SUMF1: variants seen among roughly 807,000 people sequenced by gnomAD.
The protein encoded by SUMF1 is formylglycine-generating enzyme.
A neutral mutation model predicts 47.6 loss-of-function variants in SUMF1; 48 were observed. That is an observed-to-expected ratio of 1.01 (90% CI 0.80 to 1.28). The LOEUF (loss-of-function observed/expected upper bound fraction) is 1.28. Among genes scored for constraint, SUMF1 ranks in the 50% most tolerant of loss-of-function variants. The pLI is 0.00. For missense variants in SUMF1, 571 were observed against 485.4 expected (o/e 1.18, Z -1.66); for synonymous variants, 230 against 192.1 (o/e 1.20, Z -1.63).
chr3:4,036,798 C>T (rs934564339), intron 9 of SUMF1, among the ~76,000 whole-genome samples: 3 of 124,894 alleles, frequency 2.4e-5, no homozygotes, highest in East Asian at 2.1e-4. Context: ...AACAAGACAG[C>T]AAATTAATTG....
chr3:4,090,758 G>A (rs1692767733), intron 8 of SUMF1, among the ~76,000 whole-genome samples: 1 of 152,046 alleles, frequency 6.6e-6, no homozygotes, highest in African/African-American at 2.4e-5. Context: ...GTCACTCACT[G>A]ATTCATTAAA....
intron 9 of SUMF1, among the ~76,000 whole-genome samples, chr3:4,063,781 T>C (rs775477324): frequency 2.0e-5 from 3 of 152,162 alleles, no homozygotes; most frequent in Non-Finnish European, 4.4e-5. Flanking sequence ...AAAACTTACT[T>C]TTGTGGACAA....
rs1374268675 is a variant in SUMF1, at chr3:4,467,060, G to A, written c.186C>T (p.Gly62=). ...AGTATCGGTGAGCGGCTGCCGAACT[G>A]CCATGGGCGCCAGGCCGCTGGGGCG... The part of the protein sequence containing the change: ...CGTPQRPGAH[G]SSAAAHRYSR... The change falls in exon 1 of 9, where the codon GGC becomes GGT. Residue 62 remains glycine (G), a synonymous_variant. Transcript: ENST00000272902. The A allele has an allele frequency of 1.9e-6, 3 of 1,566,262 alleles. No individual in the cohort carries two copies. The highest frequency in any genetic ancestry group is 2.7e-5 in the African/African-American group (2 of 73,854).
At chr3:4,142,512 C>T (rs779464631) in intron 8 of SUMF1, among the ~76,000 whole-genome samples, 4 of 152,078 alleles carry the variant, frequency 2.6e-5, no homozygotes, top group Non-Finnish European at 5.9e-5. Flanking sequence ...ATAAACAATA[C>T]ATTGTAAGGT....
intron 8 of SUMF1, among the ~76,000 whole-genome samples, chr3:4,323,854 G>C (rs1480560382): frequency 6.6e-6 from 1 of 152,148 alleles, no homozygotes; most frequent in East Asian, 1.9e-4. Context: ...CAGTCAGATA[G>C]ATAAGAGATA....
At chr3:4,144,918 G>A (rs866044261) in intron 8 of SUMF1, among the ~76,000 whole-genome samples, 2 of 152,126 alleles carry the variant, frequency 1.3e-5, no homozygotes, top group Non-Finnish European at 2.9e-5. Context: ...AAGCCATCTC[G>A]GCAGGGCGCG....
intron 3 of SUMF1, among the ~76,000 whole-genome samples, chr3:4,428,238 G>C (rs1052609451): frequency 2.0e-5 from 3 of 151,962 alleles, no homozygotes; most frequent in Non-Finnish European, 2.9e-5. Context: ...TCAATATATA[G>C]AGACACCCAC....
chr3:4,305,729 G>A (rs1182515823), intron 8 of SUMF1, among the ~76,000 whole-genome samples: 1 of 152,178 alleles, frequency 6.6e-6, no homozygotes, highest in African/African-American at 2.4e-5. Context: ...CTCCTCTGAT[G>A]AGACTTTATG....
intron 1 of SUMF1, among the ~76,000 whole-genome samples, chr3:4,453,716 C>G (rs1399180659): frequency 6.6e-6 from 1 of 151,728 alleles, no homozygotes; most frequent in African/African-American, 2.4e-5. Context: ...GTATTTTTAG[C>G]AGAGACAGGT....
intron 8 of SUMF1, among the ~76,000 whole-genome samples, chr3:4,236,384 A>G (rs899087032): frequency 4.6e-5 from 7 of 152,128 alleles, no homozygotes; most frequent in Non-Finnish European, 7.4e-5. Context: ...TAAAAAGAAA[A>G]ATGAGAAATG....
At chr3:4,285,209 A>G (rs1446470074) in intron 8 of SUMF1, among the ~76,000 whole-genome samples, 2 of 152,210 alleles carry the variant, frequency 1.3e-5, no homozygotes, top group Non-Finnish European at 2.9e-5. Flanking sequence ...ACTTATGCTT[A>G]AAGTAGTTTG....
chr3:4,105,435 G>T (rs1693136293), intron 8 of SUMF1, among the ~76,000 whole-genome samples: 1 of 152,102 alleles, frequency 6.6e-6, no homozygotes, highest in Non-Finnish European at 1.5e-5. Flanking sequence ...ATAAGTTTGT[G>T]AATTAGAATA....
At chr3:4,038,041 G>T (rs891502536) in intron 9 of SUMF1, among the ~76,000 whole-genome samples, 1 of 152,200 alleles carries the variant, frequency 6.6e-6, no homozygotes, top group African/African-American at 2.4e-5. Context: ...TGATCTGAAA[G>T]TGTGAGTTCC....
At chr3:4,035,022 G>C (rs565399913) in intron 9 of SUMF1, among the ~76,000 whole-genome samples, 1 of 152,050 alleles carries the variant, frequency 6.6e-6, no homozygotes, top group East Asian at 2.0e-4. Context: ...GTGGAAGAGA[G>C]GTCCTCAAAG....
intron 8 of SUMF1, among the ~76,000 whole-genome samples, chr3:4,241,616 T>C (rs1696539042): frequency 6.6e-6 from 1 of 152,166 alleles, no homozygotes; most frequent in Non-Finnish European, 1.5e-5. Context: ...TTTCTTTCTA[T>C]CAACAATTAT....
At chr3:4,116,291 T>C (rs929919405) in intron 8 of SUMF1, among the ~76,000 whole-genome samples, 1 of 152,138 alleles carries the variant, frequency 6.6e-6, no homozygotes, top group Admixed American at 6.5e-5. Context: ...CACATCTCTT[T>C]AGTGTGTTCA....
intron 3 of SUMF1, among the ~76,000 whole-genome samples, chr3:4,427,820 A>C (rs1006305892): frequency 6.6e-6 from 1 of 152,190 alleles, no homozygotes; most frequent in African/African-American, 2.4e-5. Context: ...ATTTCTAGGC[A>C]CTATTGAGAA....
intron 8 of SUMF1, among the ~76,000 whole-genome samples, chr3:4,253,081 TACA>T (rs1320546302): frequency 3.3e-5 from 5 of 152,260 alleles, no homozygotes; most frequent in African/African-American, 1.2e-4. Flanking sequence ...ATGTTATATG[TACA>T]ACATGTAGTG....
intron 8 of SUMF1, among the ~76,000 whole-genome samples, chr3:4,246,069 G>T (rs1005573363): frequency 4.6e-5 from 7 of 152,196 alleles, no homozygotes; most frequent in African/African-American, 1.7e-4. Flanking sequence ...GCCAAGCCAG[G>T]TACGGGAGGG....
Sources: gnomAD v4.1 joint callset for allele counts (sites outside exome capture counted in the v4.1 genomes callset) on GRCh38, gnomAD v4.1.1 for gene constraint, MANE v1.5 for transcripts, NCBI Gene and HGNC (gene_info 2026-07-23, HGNC 2026-07-21) for gene names.